The following FBLN2 variants were observed in gnomAD, a reference collection of about 807,000 sequenced individuals.
FBLN2 encodes fibulin 2, also known as fibulin-2.
In FBLN2, 81 loss-of-function variants were observed where a neutral mutation model predicts 123.7. The observed-to-expected ratio is 0.65, with a 90% CI of 0.55 to 0.79. The LOEUF is 0.79. FBLN2 is among the 30% of genes least tolerant of loss of function. The pLI is 0.00. For synonymous variants in FBLN2, 699 were observed against 701.4 expected, an observed-to-expected ratio of 1.00 and a Z score of 0.05; for missense variants, 1,603 against 1,681.3, an observed-to-expected ratio of 0.95 and a Z score of 0.81.
intron 1 of FBLN2, among the ~76,000 whole-genome samples, chr3:13,550,637 G>A (rs1703297672): frequency 6.6e-6 from 1 of 152,156 alleles, no homozygotes; most frequent in Admixed American, 6.5e-5. Flanking sequence ...GTGTGTTTGT[G>A]GCTGATAGGG....
chr3:13,586,668 T>TA (rs1317289870), intron 2 of FBLN2, among the ~76,000 whole-genome samples: 1 of 148,968 alleles, frequency 6.7e-6, no homozygotes, highest in Admixed American at 6.6e-5. Context: ...CAGCTAATTT[T>TA]TTTTTTTTTT....
At chr3:13,570,060 A>G (rs1178285076) in intron 1 of FBLN2, among the ~76,000 whole-genome samples, 2 of 152,040 alleles carry the variant, frequency 1.3e-5, no homozygotes, top group Non-Finnish European at 2.9e-5. Context: ...TGGCCCAGCA[A>G]ACACGTGTGG....
At chr3:13,609,679 T>TTGGGGGG in intron 4 of FBLN2, 37 bp downstream of exon 4, 1 of 80,284 alleles carries the variant, frequency 1.2e-5, no homozygotes, top group Non-Finnish European at 2.2e-5. Flanking sequence ...CAGGGTGGGG[T>TTGGGGGG]GGGGCGGGGC....
intron 9 of FBLN2, among the ~76,000 whole-genome samples, chr3:13,624,102 T>C (rs1407732308): frequency 6.6e-6 from 1 of 152,168 alleles, no homozygotes; most frequent in East Asian, 1.9e-4. Flanking sequence ...GCCCCCCAGC[T>C]CTGAGCCCCC....
intron 2 of FBLN2, among the ~76,000 whole-genome samples, chr3:13,583,612 C>T (rs753948408): frequency 1.3e-5 from 2 of 152,248 alleles, no homozygotes; most frequent in Non-Finnish European, 2.9e-5. Flanking sequence ...CGCCCCCCTG[C>T]CCCAACCCCT....
intron 14 of FBLN2, among the ~76,000 whole-genome samples, chr3:13,630,413 AGGCCATGGGGTCTT>A (rs901464032): frequency 5.3e-5 from 8 of 152,230 alleles, no homozygotes; most frequent in African/African-American, 1.9e-4. Context: ...CCAAGCCAGA[AGGCCATGGGGTCTT>A]GGCCCCATTT....
At chr3:13,577,186 G>A (rs962623901) in intron 2 of FBLN2, among the ~76,000 whole-genome samples, 6 of 145,126 alleles carry the variant, frequency 4.1e-5, no homozygotes, top group Admixed American at 1.4e-4. Context: ...TTGCGCCACC[G>A]CACTCCAGCC....
At chr3:13,625,799 C>G (rs951098409) in intron 9 of FBLN2, among the ~76,000 whole-genome samples, 3 of 151,402 alleles carry the variant, frequency 2.0e-5, no homozygotes, top group African/African-American at 7.3e-5. Context: ...ATAAATAAGA[C>G]CACTTTCTCT....
In FBLN2 at chr3:13,637,579, C is replaced by G; in HGVS notation, c.3356C>G (p.Thr1119Arg). 1.5e-5 allele frequency: 24 copies of G among 1,608,890 alleles called. No homozygotes were observed. The highest frequency in any genetic ancestry group is 2.0e-5 in the Non-Finnish European group (23 of 1,176,418). Residue 1119 changes from threonine to arginine, a missense_variant, in exon 18 of 18, where the codon ACG becomes AGG. Thr to Arg is a moderately conservative substitution (Grantham distance 71). Transcript: ENST00000404922. ...QVSKTKCERT[T>R]CHDFLECQNS... ...CCCTGCAGGAAGTGCGAGCGCACCA[C>G]GTGCCATGACTTCCTGGAGTGCCAG...
chr3:13,562,374 T>G (rs1327327278), intron 1 of FBLN2, among the ~76,000 whole-genome samples: 1 of 148,956 alleles, frequency 6.7e-6, no homozygotes, highest in South Asian at 2.1e-4. Flanking sequence ...TTTTTTTTTT[T>G]GTGACGGAGT....
chr3:13,595,096 T>A (rs932017254), intron 2 of FBLN2, among the ~76,000 whole-genome samples: 2 of 152,160 alleles, frequency 1.3e-5, no homozygotes, highest in Non-Finnish European at 2.9e-5. Flanking sequence ...GGCTGGGACG[T>A]TCCTTCTAGA....
At chr3:13,596,517 G>A (rs1243418955) in intron 2 of FBLN2, among the ~76,000 whole-genome samples, 1 of 152,178 alleles carries the variant, frequency 6.6e-6, no homozygotes, top group Non-Finnish European at 1.5e-5. Context: ...GAGAATTGCA[G>A]GGTCACAAAT....
intron 1 of FBLN2, among the ~76,000 whole-genome samples, chr3:13,554,774 C>G (rs564748849): frequency 1.1e-4 from 17 of 152,112 alleles, no homozygotes; most frequent in Non-Finnish European, 2.1e-4. Flanking sequence ...CTACGGGGAC[C>G]TGTGCACTTT....
chr3:13,577,734 A>C (rs565810152), intron 2 of FBLN2, among the ~76,000 whole-genome samples: 116 of 152,278 alleles, frequency 7.6e-4, no homozygotes, highest in African/African-American at 2.7e-3. Context: ...CCAGGTCCAC[A>C]GAGCTCCGTG....
chr3:13,549,429 G>A (rs1303062310), intron 1 of FBLN2, among the ~76,000 whole-genome samples: 1 of 151,708 alleles, frequency 6.6e-6, no homozygotes, highest in African/African-American at 2.4e-5. Flanking sequence ...GTGTACAGAT[G>A]CGGGCACAGA....
At chr3:13,619,095 C>A in intron 7 of FBLN2, 78 bp downstream of exon 7, 1 of 1,040,786 alleles carries the variant, frequency 9.6e-7, no homozygotes, top group Non-Finnish European at 1.4e-6. Flanking sequence ...AGGTGGTGAG[C>A]TGTCTGGTGC....
intron 2 of FBLN2, among the ~76,000 whole-genome samples, chr3:13,577,370 A>G (rs986905343): frequency 1.4e-4 from 21 of 152,132 alleles, no homozygotes; most frequent in African/African-American, 5.1e-4. Context: ...CAAAGGCCCC[A>G]GGGCAGGAAG....
intron 2 of FBLN2, among the ~76,000 whole-genome samples, chr3:13,597,038 C>A (rs1411664919): frequency 6.6e-6 from 1 of 151,992 alleles, no homozygotes; most frequent in Non-Finnish European, 1.5e-5. Context: ...CTTAAGTGAT[C>A]CTCCTCCCTT....
At chr3:13,573,771 C>G (rs1704040197) in intron 2 of FBLN2, among the ~76,000 whole-genome samples, 2 of 151,992 alleles carry the variant, frequency 1.3e-5, no homozygotes, top group Non-Finnish European at 2.9e-5. Flanking sequence ...GGCGTGGTGG[C>G]AGGCGCCCGT....
Sources: allele counts gnomAD v4.1 joint callset (sites outside exome capture counted in the v4.1 genomes callset), GRCh38; gene constraint gnomAD v4.1.1; transcripts MANE v1.5; gene names NCBI Gene and HGNC (gene_info 2026-07-23, HGNC 2026-07-21).